The following C1QTNF3 variants were observed in gnomAD, a reference collection of about 807,000 sequenced individuals.
C1QTNF3 encodes complement C1q tumor necrosis factor-related protein 3.
In C1QTNF3, 26 loss-of-function variants were observed where a neutral mutation model predicts 32.6. The ratio of observed to expected loss-of-function variants is 0.80; its 90% CI spans 0.58 to 1.11. The LOEUF is 1.11. Ranked by LOEUF, C1QTNF3 falls within the 50% of genes least tolerant of loss-of-function variation. The pLI is 0.00. For missense variants in C1QTNF3, 362 were observed against 398.2 expected (o/e 0.91, Z 0.77); for synonymous variants, 155 against 146.0 (o/e 1.06, Z -0.44).
chr5:34,134,907 C>A, the C1QTNF3 span, among the ~76,000 whole-genome samples: 1 of 152,106 alleles, frequency 6.6e-6, no homozygotes, highest in Non-Finnish European at 1.5e-5. Flanking sequence ...ATTGAATACC[C>A]TTTATTTCTT....
rs547693693 is a variant in C1QTNF3, at chr5:34,035,866, T to A, written c.304-108A>T. ...TTAGGTAAGCTTAATTCCAATCGAA[T>A]CACAGCAAGATCACAAAAGATGGGA... is the stretch of plus-strand genomic sequence containing the variant. On this transcript the variant is annotated intron_variant, in intron 1 of 5. Transcript: ENST00000382065. The A allele has an allele frequency of 1.8e-4, 143 of 777,720 alleles. 1 individual carries two copies. In the African/African-American group the frequency reaches 2.3e-3, roughly 13 times the overall value. 48.2% of individuals were successfully genotyped at this position (777,720 alleles called of 1,614,324 possible).
chr5:34,217,714 G>T, the C1QTNF3 span, among the ~76,000 whole-genome samples: 3 of 151,960 alleles, frequency 2.0e-5, no homozygotes, highest in South Asian at 2.1e-4. Context: ...CATGAACACT[G>T]GAAGGTTAAA....
chr5:34,241,231 C>T, the C1QTNF3 span, among the ~76,000 whole-genome samples: 1 of 152,066 alleles, frequency 6.6e-6, no homozygotes, highest in African/African-American at 2.4e-5. Context: ...TGAAACAAGC[C>T]AAGGACATCC....
At chr5:34,185,856 C>A in the C1QTNF3 span, among the ~76,000 whole-genome samples, 1 of 152,430 alleles carries the variant, frequency 6.6e-6, no homozygotes, top group African/African-American at 2.4e-5. Flanking sequence ...CAGAAGATTT[C>A]AATTCAGACA....
At chr5:34,179,898 G>T in the C1QTNF3 span, among the ~76,000 whole-genome samples, 1 of 152,302 alleles carries the variant, frequency 6.6e-6, no homozygotes. Flanking sequence ...CACAGGTCCT[G>T]GGCAGTAGGA....
At chr5:34,204,006 C>G in the C1QTNF3 span, among the ~76,000 whole-genome samples, 2 of 151,840 alleles carry the variant, frequency 1.3e-5, no homozygotes, top group Non-Finnish European at 2.9e-5. Context: ...CAACACTAGA[C>G]CACCAAGATT....
chr5:34,146,711 T>C, the C1QTNF3 span, among the ~76,000 whole-genome samples: 1 of 152,172 alleles, frequency 6.6e-6, no homozygotes, highest in African/African-American at 2.4e-5. Context: ...ACTAAAATCC[T>C]AGAAGAAAAC....
chr5:34,114,355 A>G, the C1QTNF3 span, among the ~76,000 whole-genome samples: 1 of 152,168 alleles, frequency 6.6e-6, no homozygotes, highest in Non-Finnish European at 1.5e-5. Context: ...AGTCATAAAT[A>G]TTCAGTATCT....
the C1QTNF3 span, among the ~76,000 whole-genome samples, chr5:34,135,635 A>G: frequency 1.3e-4 from 19 of 151,390 alleles, no homozygotes; most frequent in African/African-American, 4.1e-4. Flanking sequence ...ATATGAAACC[A>G]AAAAGGAGCC....
chr5:34,204,233 C>G, the C1QTNF3 span, among the ~76,000 whole-genome samples: 4 of 152,278 alleles, frequency 2.6e-5, no homozygotes, highest in African/African-American at 9.6e-5. Context: ...AATAAAACCG[C>G]AATTTCACCC....
the C1QTNF3 span, among the ~76,000 whole-genome samples, chr5:34,177,000 C>G: frequency 2.6e-5 from 4 of 152,082 alleles, no homozygotes; most frequent in Admixed American, 2.0e-4. Flanking sequence ...CAAGATCAGC[C>G]TAGGCAACAC....
the C1QTNF3 span, among the ~76,000 whole-genome samples, chr5:34,215,209 T>C: frequency 1.3e-5 from 2 of 152,192 alleles, no homozygotes; most frequent in African/African-American, 2.4e-5. Flanking sequence ...ACTTAAATTT[T>C]AGCAAACTTT....
the C1QTNF3 span, among the ~76,000 whole-genome samples, chr5:34,090,962 G>A: frequency 3.3e-5 from 5 of 152,298 alleles, no homozygotes; most frequent in East Asian, 9.6e-4. Context: ...CCTCTATTTA[G>A]TGGTGGTTAA....
chr5:34,083,378 T>C, the C1QTNF3 span, among the ~76,000 whole-genome samples: 1 of 151,606 alleles, frequency 6.6e-6, no homozygotes, highest in Non-Finnish European at 1.5e-5. Flanking sequence ...AATCTTCAAG[T>C]ACAGTAAGAC....
chr5:34,134,704 C>G, the C1QTNF3 span, among the ~76,000 whole-genome samples: 2 of 152,084 alleles, frequency 1.3e-5, no homozygotes, highest in African/African-American at 4.8e-5. Context: ...GGAGTTCACT[C>G]ATGATTTGGC....
At chr5:34,175,511 G>A in the C1QTNF3 span, 2 of 276,598 alleles carry the variant, frequency 7.2e-6, no homozygotes, top group Non-Finnish European at 1.4e-5. Flanking sequence ...AATCCATAAT[G>A]AGGTCCAGTG....
At chr5:34,036,387 ATATT>A (rs1440841121) in intron 1 of C1QTNF3, among the ~76,000 whole-genome samples, 1 of 152,218 alleles carries the variant, frequency 6.6e-6, no homozygotes, top group Non-Finnish European at 1.5e-5. Context: ...AATTATATAT[ATATT>A]TATCACGTAT....
At chr5:34,030,294 CA>C (rs1219303491) in intron 3 of C1QTNF3, among the ~76,000 whole-genome samples, 1 of 152,138 alleles carries the variant, frequency 6.6e-6, no homozygotes, top group Non-Finnish European at 1.5e-5. Flanking sequence ...TCTGCTTAAT[CA>C]GTAAAAGATC....
chr5:34,225,961 A>G, the C1QTNF3 span, among the ~76,000 whole-genome samples: 3 of 151,990 alleles, frequency 2.0e-5, no homozygotes, highest in Non-Finnish European at 4.4e-5. Flanking sequence ...CTATTTAATA[A>G]TTTTGAGAAA....
Sources: allele counts gnomAD v4.1 joint callset (sites outside exome capture counted in the v4.1 genomes callset), GRCh38; gene constraint gnomAD v4.1.1; transcripts MANE v1.5; gene names NCBI Gene and HGNC (gene_info 2026-07-23, HGNC 2026-07-21).